Variants in EBF2 observed in about 807,000 individuals in gnomAD.
EBF2 encodes EBF transcription factor 2, also known as transcription factor COE2.
EBF2 carries 21 observed loss-of-function variants against 72.8 expected under a neutral mutation model. That is an observed-to-expected ratio of 0.29 (90% CI 0.20 to 0.42). The LOEUF (loss-of-function observed/expected upper bound fraction) is 0.42, where lower values mean the gene tolerates loss of function less well. Among genes scored for constraint, EBF2 ranks in the 10% least tolerant of loss-of-function variants. The pLI, the probability that EBF2 is intolerant of heterozygous loss-of-function variation, is 1.00. For synonymous variants in EBF2, 299 were observed against 274.2 expected (o/e 1.09, Z -0.89); for missense variants, 637 against 731.2 (o/e 0.87, Z 1.49).
At chr8:25,866,165 G>C (rs11997624) in intron 10 of EBF2, among the ~76,000 whole-genome samples, 7,986 of 151,820 alleles carry the variant, frequency 0.053, 735 homozygotes, top group African/African-American at 0.18. Flanking sequence ...CCTTTTGATA[G>C]ATGCATTAAT....
chr8:25,888,064 T>C (rs1802721120), intron 8 of EBF2, 92 bp from the exon 9 acceptor site: 11 of 1,417,838 alleles, frequency 7.8e-6, no homozygotes, highest in Admixed American at 2.4e-5. Context: ...AAGAATTGTC[T>C]TGGGCCACGT....
At chr8:26,017,989 G>A (rs17818275) in intron 6 of EBF2, among the ~76,000 whole-genome samples, 19,042 of 152,018 alleles carry the variant, frequency 0.13, 1,367 homozygotes, top group Non-Finnish European at 0.16. Flanking sequence ...TAAGAGCCAG[G>A]TTCTGTTTGT....
rs191719778 is a variant in EBF2, at chr8:25,950,422, C to T, written c.552-41867G>A. ...ACAAGTGAAGTATTTGCTTAAAGAA[C>T]GCATCTGCAATGCAGGGGCCCTCAG... On this transcript the variant is annotated intron_variant, in intron 6 of 15. Coordinates refer to ENST00000520164, the MANE Select transcript of EBF2 (RefSeq NM_022659.4). Among the ~76,000 whole-genome samples the T allele has an allele frequency of 2.0e-4, 31 of 152,340 alleles. No homozygotes were observed. In the East Asian group the frequency reaches 5.4e-3, roughly 27 times the overall value.
intron 6 of EBF2, among the ~76,000 whole-genome samples, chr8:26,003,206 A>T (rs1804770676): frequency 6.6e-6 from 1 of 152,076 alleles, no homozygotes. Flanking sequence ...ATGGATAACT[A>T]ATTATGTATT....
rs1372792652 is a variant in EBF2 at position 25,843,333 on chromosome 8, G to A, written c.*1276C>T. 2 of 152,178 alleles carry A rather than the reference G, an allele frequency of 1.3e-5. No individual in the cohort carries two copies. The highest frequency in any genetic ancestry group is 6.5e-5 in the Admixed American group (1 of 15,270). 9.4% of individuals were successfully genotyped at this position (152,178 alleles called of 1,614,324 possible). A position where few individuals can be genotyped will look rare whatever the true frequency, so the allele number is the denominator to read the frequency against. ...CAAGAGAGTTTAATGCCATAAAAGG[G>A]GAAATTGACAGGGAGAGGAAAGGAC... is the stretch of plus-strand genomic sequence containing the variant. On this transcript the variant is annotated 3_prime_UTR_variant, in exon 16 of 16. Transcript: ENST00000520164.
chr8:25,875,631 T>A (rs1221134351), intron 10 of EBF2, among the ~76,000 whole-genome samples: 1 of 152,216 alleles, frequency 6.6e-6, no homozygotes, highest in Non-Finnish European at 1.5e-5. Context: ...TAACTCCTGC[T>A]TTTTGAGTCT....
At chr8:25,944,223 A>T (rs1291931567) in intron 6 of EBF2, among the ~76,000 whole-genome samples, 2 of 152,234 alleles carry the variant, frequency 1.3e-5, no homozygotes, top group Non-Finnish European at 2.9e-5. Context: ...AGATGATAGC[A>T]AGCTAGAAAT....
intron 6 of EBF2, among the ~76,000 whole-genome samples, chr8:26,026,475 A>T (rs1004898195): frequency 6.6e-6 from 1 of 152,196 alleles, no homozygotes; most frequent in African/African-American, 2.4e-5. Flanking sequence ...CCTCTGTAAC[A>T]TTAGATAGCT....
At chr8:26,023,282 T>C (rs1805233371) in intron 6 of EBF2, among the ~76,000 whole-genome samples, 1 of 152,220 alleles carries the variant, frequency 6.6e-6, no homozygotes, top group South Asian at 2.1e-4. Flanking sequence ...TGCAAAGAGA[T>C]GTCTTTTCTA....
At chr8:25,974,902 C>T (rs907251941) in intron 6 of EBF2, among the ~76,000 whole-genome samples, 13 of 152,152 alleles carry the variant, frequency 8.5e-5, no homozygotes, top group African/African-American at 2.7e-4. Context: ...CCAGCAGATC[C>T]CTGATAGCTC....
chr8:25,918,529 A>C (rs1329195237), intron 6 of EBF2, among the ~76,000 whole-genome samples: 1 of 152,232 alleles, frequency 6.6e-6, no homozygotes, highest in Non-Finnish European at 1.5e-5. Context: ...CTGAATTATA[A>C]TTAGACTAAT....
intron 6 of EBF2, among the ~76,000 whole-genome samples, chr8:25,968,150 G>A (rs182022634): frequency 1.2e-4 from 19 of 152,052 alleles, no homozygotes; most frequent in African/African-American, 3.4e-4. Flanking sequence ...ACTTAATCTC[G>A]GTGAATCATG....
intron 15 of EBF2, among the ~76,000 whole-genome samples, chr8:25,849,896 A>G (rs6991952): frequency 0.48 from 71,910 of 149,562 alleles, 18,456 homozygotes; most frequent in African/African-American, 0.66. Context: ...CTGTCCATGT[A>G]TGCCAAGAGG....
chr8:25,946,623 C>A (rs1437844140), intron 6 of EBF2, among the ~76,000 whole-genome samples: 1 of 152,200 alleles, frequency 6.6e-6, no homozygotes, highest in East Asian at 1.9e-4. Context: ...AATGACAACA[C>A]CCTCTTTGAC....
intron 7 of EBF2, among the ~76,000 whole-genome samples, chr8:25,908,136 C>T (rs2117313079): frequency 6.6e-6 from 1 of 152,318 alleles, no homozygotes; most frequent in Non-Finnish European, 1.5e-5. Flanking sequence ...AGAGAAGCTG[C>T]TCTGAAAAAT....
chr8:25,917,198 G>GTTT (rs1375771411), intron 6 of EBF2, among the ~76,000 whole-genome samples: 2 of 96,082 alleles, frequency 2.1e-5, no homozygotes, highest in East Asian at 3.9e-4. Context: ...TGTGGTTTGG[G>GTTT]GTTTTTTTTT....
chr8:25,871,041 G>A (rs552432064), intron 10 of EBF2, among the ~76,000 whole-genome samples: 2 of 152,166 alleles, frequency 1.3e-5, no homozygotes, highest in Non-Finnish European at 2.9e-5. Flanking sequence ...TAAACCATAA[G>A]AGGGACCTCA....
At chr8:25,963,005 A>G (rs1804059388) in intron 6 of EBF2, among the ~76,000 whole-genome samples, 1 of 152,196 alleles carries the variant, frequency 6.6e-6, no homozygotes, top group African/African-American at 2.4e-5. Context: ...GGCAGGGGAA[A>G]AGTTTAAGGA....
chr8:25,994,700 T>C (rs1348626089), intron 6 of EBF2, among the ~76,000 whole-genome samples: 3 of 152,186 alleles, frequency 2.0e-5, no homozygotes, highest in Admixed American at 2.0e-4. Flanking sequence ...GAAAACCAAA[T>C]GCTGCATGTT....
Sources: gnomAD v4.1 joint callset for allele counts (sites outside exome capture counted in the v4.1 genomes callset) on GRCh38, gnomAD v4.1.1 for gene constraint, MANE v1.5 for transcripts, NCBI Gene and HGNC (gene_info 2026-07-23, HGNC 2026-07-21) for gene names.